CDK6: variants seen among roughly 807,000 people sequenced by gnomAD.
CDK6 encodes the protein cyclin dependent kinase 6.
In CDK6, 6 loss-of-function variants were observed where a neutral mutation model predicts 37.1. That is an observed-to-expected ratio of 0.16 (90% confidence interval 0.09 to 0.32). The LOEUF (loss-of-function observed/expected upper bound fraction) is 0.32, where lower values mean the gene tolerates loss of function less well. Ranked by LOEUF, CDK6 falls within the 10% of genes least tolerant of loss-of-function variation. CDK6 has a pLI of 1.00. For missense variants in CDK6, 224 were observed against 418.9 expected, an observed-to-expected ratio of 0.53 and a Z score of 4.06; for synonymous variants, 160 against 161.3, an observed-to-expected ratio of 0.99 and a Z score of 0.06.
chr7:92,778,347 C>T (rs919592397), intron 2 of CDK6, among the ~76,000 whole-genome samples: 3 of 152,074 alleles, frequency 2.0e-5, no homozygotes, highest in African/African-American at 7.2e-5. Flanking sequence ...GTTTTAATAT[C>T]CATTCCTAAA....
intron 7 of CDK6, among the ~76,000 whole-genome samples, chr7:92,616,980 T>C (rs1481497897): frequency 6.6e-6 from 1 of 152,234 alleles, no homozygotes; most frequent in Non-Finnish European, 1.5e-5. Context: ...TAAAAAACTT[T>C]GTGTTAATAA....
chr7:92,696,705 T>C (rs142628392), intron 4 of CDK6, among the ~76,000 whole-genome samples: 1 of 152,334 alleles, frequency 6.6e-6, no homozygotes, highest in African/African-American at 2.4e-5. Flanking sequence ...AAGATGTTTG[T>C]CATCTAAACA....
chr7:92,797,629 G>A (rs1800448311), intron 2 of CDK6, among the ~76,000 whole-genome samples: 1 of 152,128 alleles, frequency 6.6e-6, no homozygotes. Context: ...TCACACTGTA[G>A]CATAATGTTT....
At chr7:92,672,190 T>TACACACACACACACACACACACAC (rs71107866) in intron 4 of CDK6, among the ~76,000 whole-genome samples, 36 of 62,718 alleles carry the variant, frequency 5.7e-4, no homozygotes, top group East Asian at 2.4e-3. Flanking sequence ...CACAGACACA[T>TACACACACACACACACACACACAC]ACACACACAC....
chr7:92,633,366 A>G (rs561644121), intron 5 of CDK6, among the ~76,000 whole-genome samples: 2 of 152,250 alleles, frequency 1.3e-5, no homozygotes, highest in Non-Finnish European at 2.9e-5. Context: ...ACCTATTTGA[A>G]TAGGGTTTTT....
chr7:92,765,068 C>T (rs1486743013), intron 3 of CDK6, among the ~76,000 whole-genome samples: 4 of 151,926 alleles, frequency 2.6e-5, no homozygotes, highest in African/African-American at 7.3e-5. Context: ...TAACTTATTC[C>T]TTTGAAGCTT....
intron 4 of CDK6, among the ~76,000 whole-genome samples, chr7:92,700,582 GGAT>G (rs1362358295): frequency 6.6e-6 from 1 of 152,218 alleles, no homozygotes; most frequent in African/African-American, 2.4e-5. Context: ...TTGCTACTTA[GGAT>G]GATATTCAGA....
Position 92,667,546 on chromosome 7 carries a change from TAA to T in CDK6, c.647+3878_647+3879del, listed in dbSNP as rs1021295351. ...AAAAGAATCAAAAAGTTAAAAAATT[TAA>T]AAAGTTTTTTTTTTTTTTTGAGACA... On this transcript the variant is annotated intron_variant, in intron 5 of 7. Transcript: ENST00000424848. Among the ~76,000 whole-genome samples, 16 of 144,966 alleles carry T rather than the reference TAA, an allele frequency of 1.1e-4. 1 individual carries two copies. Among genetic ancestry groups the T allele is most frequent in the Non-Finnish European group, 1.8e-4 (12 of 67,524 alleles).
chr7:92,745,565 G>T (rs1799038396), intron 3 of CDK6, among the ~76,000 whole-genome samples: 1 of 152,156 alleles, frequency 6.6e-6, no homozygotes, highest in African/African-American at 2.4e-5. Flanking sequence ...GAAAAAATGG[G>T]CATCTTAGAA....
chr7:92,691,573 CAGAG>C (rs1254784478), intron 4 of CDK6, among the ~76,000 whole-genome samples: 1 of 152,088 alleles, frequency 6.6e-6, no homozygotes, highest in Non-Finnish European at 1.5e-5. Context: ...TATTCAGAAT[CAGAG>C]GGAGCCAAAC....
intron 4 of CDK6, among the ~76,000 whole-genome samples, chr7:92,702,058 T>A (rs1371516884): frequency 1.3e-5 from 2 of 152,094 alleles, no homozygotes; most frequent in Non-Finnish European, 1.5e-5. Context: ...TCACTTCACA[T>A]GTGATCACTG....
intron 3 of CDK6, among the ~76,000 whole-genome samples, chr7:92,731,476 A>G (rs1169779885): frequency 6.6e-6 from 1 of 152,210 alleles, no homozygotes; most frequent in Non-Finnish European, 1.5e-5. Flanking sequence ...GCAATGCCAT[A>G]GTACCCGTCT....
intron 5 of CDK6, among the ~76,000 whole-genome samples, chr7:92,663,679 C>T (rs1030040277): frequency 6.8e-6 from 1 of 146,628 alleles, no homozygotes; most frequent in East Asian, 2.0e-4. Context: ...CCAGCCTGGG[C>T]AACAGAGCGA....
chr7:92,807,834 G>A (rs1800767449), intron 2 of CDK6, among the ~76,000 whole-genome samples: 1 of 152,060 alleles, frequency 6.6e-6, no homozygotes. Flanking sequence ...TAATTCTCTA[G>A]TAGCAAGCAT....
chr7:92,668,527 C>T (rs1738903787), intron 5 of CDK6, among the ~76,000 whole-genome samples: 1 of 152,180 alleles, frequency 6.6e-6, no homozygotes, highest in Non-Finnish European at 1.5e-5. Context: ...ACTGCCTTAG[C>T]ATCAAGTGGG....
chr7:92,610,005 A>G lies in CDK6; in HGVS notation c.*5135T>C. ...AACAAGTGCTAGGAAAGAGTTAAAT[A>G]TGCGCAGAAAAATAAAGTTAGAATG... is the stretch of plus-strand genomic sequence containing the variant. On this transcript the variant is annotated 3_prime_UTR_variant, in exon 8 of 8. Transcript: ENST00000424848. 4.4e-6 allele frequency: 1 copy of G among 229,608 alleles called. No homozygotes were observed. The highest frequency in any genetic ancestry group is 8.6e-6 in the Non-Finnish European group (1 of 115,770). 14.2% of individuals were successfully genotyped at this position (229,608 alleles called of 1,614,324 possible). A position where few individuals can be genotyped will look rare whatever the true frequency, so the allele number is the denominator to read the frequency against.
intron 3 of CDK6, among the ~76,000 whole-genome samples, chr7:92,728,520 T>G (rs767106134): frequency 1.3e-5 from 2 of 152,212 alleles, no homozygotes; most frequent in Non-Finnish European, 2.9e-5. Context: ...CCCTGGGACA[T>G]GCCATAATTA....
intron 4 of CDK6, among the ~76,000 whole-genome samples, chr7:92,677,678 T>A (rs1366711681): frequency 2.0e-5 from 3 of 152,212 alleles, no homozygotes; most frequent in Admixed American, 2.0e-4. Context: ...AGTTGTTTCC[T>A]GGTTTATGTA....
chr7:92,626,938 A>G (rs1328146820), intron 5 of CDK6, among the ~76,000 whole-genome samples: 3 of 152,144 alleles, frequency 2.0e-5, no homozygotes, highest in African/African-American at 7.2e-5. Flanking sequence ...ATAATATGCA[A>G]AAAAGGTAGT....
Sources: gnomAD v4.1 joint callset for allele counts (sites outside exome capture counted in the v4.1 genomes callset) on GRCh38, gnomAD v4.1.1 for gene constraint, MANE v1.5 for transcripts, NCBI Gene and HGNC (gene_info 2026-07-23, HGNC 2026-07-21) for gene names.